DCLK1: variants seen among roughly 807,000 people sequenced by gnomAD.
DCLK1 encodes the protein doublecortin like kinase 1.
In DCLK1, 16 loss-of-function variants were observed where a neutral mutation model predicts 86.2. The observed-to-expected ratio is 0.19, with a 90% CI of 0.13 to 0.28. The LOEUF (loss-of-function observed/expected upper bound fraction) is 0.28, where lower values mean the gene tolerates loss of function less well. Among genes scored for constraint, DCLK1 ranks in the 10% least tolerant of loss-of-function variants. The pLI, the probability that DCLK1 is intolerant of heterozygous loss-of-function variation, is 1.00. For missense variants in DCLK1, 590 were observed against 940.2 expected (o/e 0.63, Z 4.87); for synonymous variants, 369 against 370.5 (o/e 1.00, Z 0.05).
At chr13:35,818,531 T>C (rs1445918487) in intron 11 of DCLK1, among the ~76,000 whole-genome samples, 1 of 152,148 alleles carries the variant, frequency 6.6e-6, no homozygotes, top group East Asian at 1.9e-4. Flanking sequence ...TTGGGGACTT[T>C]GGGAGGGAAA....
intron 6 of DCLK1, among the ~76,000 whole-genome samples, chr13:35,853,717 G>A (rs1429605228): frequency 6.6e-6 from 1 of 152,144 alleles, no homozygotes; most frequent in African/African-American, 2.4e-5. Context: ...AAACCTCCTA[G>A]GAGCGTACAT....
intron 4 of DCLK1, among the ~76,000 whole-genome samples, chr13:35,922,717 C>A (rs1173603123): frequency 1.3e-5 from 2 of 152,132 alleles, no homozygotes; most frequent in Non-Finnish European, 2.9e-5. Flanking sequence ...GGGCATAAAT[C>A]CTGGTTGAAG....
At chr13:35,916,091 A>C (rs1159554467) in intron 4 of DCLK1, among the ~76,000 whole-genome samples, 1 of 152,236 alleles carries the variant, frequency 6.6e-6, no homozygotes, top group Non-Finnish European at 1.5e-5. Context: ...TACCTTCTGC[A>C]AAAAGGATCT....
intron 3 of DCLK1, among the ~76,000 whole-genome samples, chr13:35,954,384 A>T (rs1011286183): frequency 2.0e-5 from 3 of 152,140 alleles, no homozygotes; most frequent in African/African-American, 7.2e-5. Context: ...TTCCTCTTCC[A>T]ATTTCATTCC....
chr13:36,055,744 C>T (rs2153158049), intron 3 of DCLK1, among the ~76,000 whole-genome samples: 1 of 150,354 alleles, frequency 6.7e-6, no homozygotes, highest in East Asian at 2.0e-4. Flanking sequence ...CCAGAGTGCA[C>T]TGATGTTGAG....
intron 4 of DCLK1, among the ~76,000 whole-genome samples, chr13:35,877,285 G>A (rs1043733703): frequency 6.6e-6 from 1 of 152,158 alleles, no homozygotes; most frequent in Non-Finnish European, 1.5e-5. Context: ...CCACATTCCC[G>A]GTGGCAGGAG....
rs754033629 is a variant in DCLK1, at chr13:35,839,120, C to A, written c.1092G>T (p.Ser364=). Residue 364 remains serine, a synonymous_variant, in exon 7 of 17, where the codon TCG becomes TCT. Transcript: ENST00000360631. ...TSLASTKVCS[S]MDENDGPGEE... ...CTCCAGGGCCATCGTTCTCATCCAT[C>A]GAGCTGCAGACTTTGGTGGACGCAA... The A allele has an allele frequency of 5.0e-6, 8 of 1,599,884 alleles. No individual in the cohort carries two copies. The African/African-American group carries it at 8.0e-5, about 16-fold the overall frequency.
chr13:35,789,166 C>T (rs997590164), intron 16 of DCLK1, among the ~76,000 whole-genome samples: 6 of 152,100 alleles, frequency 3.9e-5, no homozygotes, highest in East Asian at 1.9e-4. Context: ...ATTCTGCCCA[C>T]GAGAGGATGC....
intron 4 of DCLK1, among the ~76,000 whole-genome samples, chr13:35,913,831 A>C (rs1172194990): frequency 6.6e-6 from 1 of 152,180 alleles, no homozygotes; most frequent in East Asian, 1.9e-4. Context: ...TATATAAAAA[A>C]AATTCAATGA....
chr13:36,091,516 T>C (rs1242132591), intron 3 of DCLK1, among the ~76,000 whole-genome samples: 2 of 152,190 alleles, frequency 1.3e-5, no homozygotes, highest in Non-Finnish European at 2.9e-5. Context: ...CTTTCAACTT[T>C]TAATCTACAT....
chr13:35,911,165 A>G (rs932933684), intron 4 of DCLK1, among the ~76,000 whole-genome samples: 1 of 149,404 alleles, frequency 6.7e-6, no homozygotes, highest in African/African-American at 2.5e-5. Flanking sequence ...ATGATGGTGG[A>G]TGCCTGTAGT....
chr13:35,799,250 GT>G lies in DCLK1; in HGVS notation c.1945-5772del, dbSNP rs1047137025. ...TGGGCTTCAGGCTTGAGCCTCAGTT[GT>G]TTTTTTTTTGTTTTCTTGAGACAGA... On this transcript the variant is annotated intron_variant, in intron 15 of 16. Transcript: ENST00000360631. Among the ~76,000 whole-genome samples, 320 of 149,406 alleles carry G rather than the reference GT, an allele frequency of 2.1e-3. 1 individual carries two copies. Among genetic ancestry groups the G allele is most frequent in the African/African-American group, 7.3e-3 (299 of 40,868 alleles).
chr13:36,025,324 A>G (rs1359343289), intron 3 of DCLK1, among the ~76,000 whole-genome samples: 1 of 152,220 alleles, frequency 6.6e-6, no homozygotes, highest in Non-Finnish European at 1.5e-5. Context: ...GGAATATCCT[A>G]TCCAACAAAT....
At chr13:35,934,379 G>A (rs974072246) in intron 4 of DCLK1, among the ~76,000 whole-genome samples, 9 of 152,166 alleles carry the variant, frequency 5.9e-5, no homozygotes, top group African/African-American at 1.9e-4. Flanking sequence ...ATATACCCGA[G>A]ACTGGGCAAT....
In DCLK1 at chr13:36,029,903, T is replaced by C. The variant is rs199702771; in HGVS notation, c.723+81966A>G. Among the ~76,000 whole-genome samples, 16 of 152,324 alleles carry C rather than the reference T, an allele frequency of 1.1e-4. 1 individual carries two copies. The East Asian group carries it at 2.5e-3, about 24-fold the overall frequency. On this transcript the variant is annotated intron_variant, in intron 3 of 16. Transcript: ENST00000360631. ...CTTATACAAATTGTTAAATTTCATG[T>C]AACCCCCACAATAACCCTGGGAAGC...
chr13:36,017,113 T>C (rs1433073996), intron 3 of DCLK1, among the ~76,000 whole-genome samples: 1 of 152,190 alleles, frequency 6.6e-6, no homozygotes, highest in East Asian at 1.9e-4. Flanking sequence ...AAAGCAAAGA[T>C]GTATTTTTTT....
chr13:35,910,473 C>A lies in DCLK1; in HGVS notation c.823+36885G>T, dbSNP rs1593723693. ...GCCTAATAGAAATGAGAGGACAGCT[C>A]CAAGATAATTTGAATATTTCTTTCC... On this transcript the variant is annotated intron_variant, in intron 4 of 16. Coordinates refer to ENST00000360631, the MANE Select transcript of DCLK1 (RefSeq NM_001330071.2). 2.0e-5 allele frequency among the ~76,000 whole-genome samples: 3 copies of A among 152,300 alleles called. No homozygotes were observed. The South Asian group carries it at 6.2e-4, about 32-fold the overall frequency.
At chr13:35,918,892 GT>G (rs749567335) in intron 4 of DCLK1, among the ~76,000 whole-genome samples, 16 of 76,324 alleles carry the variant, frequency 2.1e-4, no homozygotes, top group Admixed American at 4.7e-4. Flanking sequence ...TTCTGAGTGT[GT>G]TTTTTTTTTT....
At chr13:35,914,245 A>T (rs1293098750) in intron 4 of DCLK1, among the ~76,000 whole-genome samples, 1 of 150,686 alleles carries the variant, frequency 6.6e-6, no homozygotes, top group African/African-American at 2.4e-5. Context: ...CTTGAGCTGG[A>T]GAGGTCGAGG....
Sources: gnomAD v4.1 joint callset for allele counts (sites outside exome capture counted in the v4.1 genomes callset) on GRCh38, gnomAD v4.1.1 for gene constraint, MANE v1.5 for transcripts, NCBI Gene and HGNC (gene_info 2026-07-23, HGNC 2026-07-21) for gene names.